The following ABCA13 variants were observed in gnomAD, a reference collection of about 807,000 sequenced individuals.
ABCA13 encodes the protein ATP binding cassette subfamily A member 13, also known as ATP-binding cassette sub-family A member 13.
Under a neutral mutation model 478.7 loss-of-function variants are expected in ABCA13, and 476 were observed. The observed-to-expected ratio is 0.99, with a 90% CI of 0.92 to 1.07. The LOEUF is 1.07. ABCA13 is among the 50% of genes least tolerant of loss of function. The pLI is 0.00. For missense variants in ABCA13, 6,060 were observed against 5,910.6 expected (o/e 1.03, Z -0.83); for synonymous variants, 2,252 against 2,158.9 (o/e 1.04, Z -1.20).
chr7:48,489,438 G>A, intron 48 of ABCA13, 94 bp downstream of exon 48: 2 of 1,088,396 alleles, frequency 1.8e-6, no homozygotes, highest in Non-Finnish European at 2.6e-6. Flanking sequence ...ATAGAAATGT[G>A]AGGGGCAATG....
intron 41 of ABCA13, among the ~76,000 whole-genome samples, chr7:48,415,737 GA>G (rs968203541): frequency 1.1e-4 from 17 of 150,748 alleles, no homozygotes; most frequent in African/African-American, 2.2e-4. Flanking sequence ...AAATATCACA[GA>G]AAAAAAAACT....
chr7:48,517,238 C>G (rs756592456), intron 52 of ABCA13, among the ~76,000 whole-genome samples: 1 of 152,054 alleles, frequency 6.6e-6, no homozygotes, highest in African/African-American at 2.4e-5. Context: ...GAAACATGCC[C>G]TCTCAATGTT....
At chr7:48,521,890 G>A (rs1362212772) in intron 53 of ABCA13, among the ~76,000 whole-genome samples, 1 of 152,064 alleles carries the variant, frequency 6.6e-6, no homozygotes, top group African/African-American at 2.4e-5. Context: ...CATAATGACT[G>A]CATGACCCAG....
chr7:48,334,562 C>T (rs1805935821), intron 27 of ABCA13, among the ~76,000 whole-genome samples: 1 of 152,210 alleles, frequency 6.6e-6, no homozygotes, highest in Non-Finnish European at 1.5e-5. Flanking sequence ...GTCTCAATCT[C>T]CTGACCTCAT....
At chr7:48,201,442 C>T (rs1584142440) in intron 3 of ABCA13, among the ~76,000 whole-genome samples, 1 of 140,388 alleles carries the variant, frequency 7.1e-6, no homozygotes, top group African/African-American at 2.6e-5. Flanking sequence ...GGCTGTCTCA[C>T]ACAGAGGAGA....
At chr7:48,457,523 A>G (rs956546780) in intron 43 of ABCA13, among the ~76,000 whole-genome samples, 2 of 152,138 alleles carry the variant, frequency 1.3e-5, no homozygotes, top group Non-Finnish European at 2.9e-5. Flanking sequence ...CCCAGTATTC[A>G]TTTGTTATAG....
At chr7:48,281,917 C>T (rs1797108271) in intron 19 of ABCA13, among the ~76,000 whole-genome samples, 1 of 152,166 alleles carries the variant, frequency 6.6e-6, no homozygotes, top group Admixed American at 6.5e-5. Flanking sequence ...GTGTCATAAC[C>T]TTCTGTGTGC....
intron 29 of ABCA13, among the ~76,000 whole-genome samples, chr7:48,346,079 G>A (rs1257755972): frequency 6.6e-6 from 1 of 152,140 alleles, no homozygotes; most frequent in Non-Finnish European, 1.5e-5. Context: ...AGCTAGGTGT[G>A]CAGTAGGCTG....
In ABCA13 at chr7:48,275,650, A is replaced by G. The variant is rs746434799; in HGVS notation, c.5984A>G (p.Gln1995Arg). 5 of 1,601,556 alleles carry G rather than the reference A, an allele frequency of 3.1e-6. No homozygotes were observed. Among genetic ancestry groups the G allele is most frequent in the Non-Finnish European group, 4.3e-6 (5 of 1,173,158 alleles). The stretch of plus-strand genomic sequence containing the variant: ...AATGAAGACACAGAGACATCTGTTC[A>G]AAATATTATTTCCTCAAATTTGGAA... ...NINEDTETSV[Q>R]NIISSNLERT... is the part of the protein sequence containing the mutation. The change falls in exon 17 of 62, where the codon CAA becomes CGA. Residue 1995 changes from glutamine (Q) to arginine (R), a missense_variant. Physicochemically the swap from Gln to Arg is conservative, Grantham distance 43. This residue lies in a region of ABCA13 where 4,423 missense variants were observed against 4,309.1 expected (regional missense o/e 1.03). Transcript: ENST00000435803.
chr7:48,524,605 C>T (rs542171545), intron 54 of ABCA13, among the ~76,000 whole-genome samples, 165 bp downstream of exon 54: 1 of 151,954 alleles, frequency 6.6e-6, no homozygotes, highest in Admixed American at 6.5e-5. Flanking sequence ...AATAGAGGGT[C>T]TGTTGACTAT....
At chr7:48,406,340 C>T (rs1187958827) in intron 39 of ABCA13, among the ~76,000 whole-genome samples, 1 of 152,168 alleles carries the variant, frequency 6.6e-6, no homozygotes, top group African/African-American at 2.4e-5. Context: ...TTCTGAGCTT[C>T]AGTGTTCTCA....
At chr7:48,512,459 G>C (rs1831772533) in intron 51 of ABCA13, among the ~76,000 whole-genome samples, 1 of 152,038 alleles carries the variant, frequency 6.6e-6, no homozygotes, top group Non-Finnish European at 1.5e-5. Flanking sequence ...ATTATATTTA[G>C]CTAGAAATTT....
chr7:48,182,932 C>G (rs1795883930), intron 1 of ABCA13, among the ~76,000 whole-genome samples: 1 of 152,172 alleles, frequency 6.6e-6, no homozygotes, highest in South Asian at 2.1e-4. Context: ...CAGTGCTTAA[C>G]AACAAGAACT....
intron 10 of ABCA13, among the ~76,000 whole-genome samples, chr7:48,243,563 G>T (rs1218181146): frequency 6.6e-6 from 1 of 152,178 alleles, no homozygotes; most frequent in Non-Finnish European, 1.5e-5. Context: ...ACCAGTTCCT[G>T]CTGGTGTCTT....
intron 55 of ABCA13, among the ~76,000 whole-genome samples, chr7:48,565,214 CTTTTTT>C (rs10559411): frequency 2.6e-5 from 3 of 113,774 alleles, no homozygotes; most frequent in Non-Finnish European, 3.6e-5. Flanking sequence ...ATTTAATGAG[CTTTTTT>C]TTTTTTTTTT....
chr7:48,227,140 A>G (rs1365224789), intron 5 of ABCA13, 122 bp from the exon 6 acceptor site: 1 of 867,696 alleles, frequency 1.2e-6, no homozygotes, highest in Non-Finnish European at 1.9e-6. Context: ...GTGATATATT[A>G]AGTGTGAGTT....
intron 51 of ABCA13, among the ~76,000 whole-genome samples, chr7:48,514,606 C>T (rs1831971807): frequency 6.6e-6 from 1 of 152,100 alleles, no homozygotes; most frequent in Admixed American, 6.6e-5. Flanking sequence ...ACTTGCAATT[C>T]TGTGATTTCA....
intron 58 of ABCA13, among the ~76,000 whole-genome samples, chr7:48,606,380 G>A (rs987113855): frequency 3.3e-5 from 5 of 152,080 alleles, no homozygotes; most frequent in African/African-American, 1.2e-4. Flanking sequence ...TGATGTTGGT[G>A]GCCTTCAGAT....
intron 31 of ABCA13, among the ~76,000 whole-genome samples, chr7:48,358,591 A>T (rs150014607): frequency 0.018 from 2,718 of 152,090 alleles, 42 homozygotes; most frequent in Admixed American, 0.023. Flanking sequence ...CTATGTAGAA[A>T]CATTTTGTTT....
Sources: gnomAD v4.1 joint callset for allele counts (sites outside exome capture counted in the v4.1 genomes callset) on GRCh38, gnomAD v4.1.1 for gene constraint, gnomAD v4.1.1 regional missense constraint, MANE v1.5 for transcripts, NCBI Gene and HGNC (gene_info 2026-07-23, HGNC 2026-07-21) for gene names.